KCNQ1: variants seen among roughly 807,000 people sequenced by gnomAD.
The protein encoded by KCNQ1 is potassium voltage-gated channel subfamily KQT member 1.
KCNQ1 carries 49 observed loss-of-function variants against 72.4 expected under a neutral mutation model. The observed-to-expected ratio is 0.68, with a 90% CI of 0.54 to 0.86. The LOEUF (loss-of-function observed/expected upper bound fraction) is 0.86, where lower values mean the gene tolerates loss of function less well. Among genes scored for constraint, KCNQ1 ranks in the 40% least tolerant of loss-of-function variants. The pLI is 0.00. For missense variants in KCNQ1, 790 were observed against 945.1 expected (o/e 0.84, Z 2.15); for synonymous variants, 450 against 412.6 (o/e 1.09, Z -1.10).
intron 10 of KCNQ1, chr11:2,609,215 T>C (rs1317873598): frequency 2.5e-5 from 10 of 398,184 alleles, no homozygotes; most frequent in Non-Finnish European, 3.1e-5. Flanking sequence ...AGTTCTGTTA[T>C]GTTGTATCTT....
intron 10 of KCNQ1, chr11:2,615,436 A>G (rs753045419): frequency 2.3e-5 from 9 of 397,840 alleles, no homozygotes; most frequent in Non-Finnish European, 4.0e-5. Context: ...CTTTCAGTAC[A>G]TTGTTCAATA....
intron 15 of KCNQ1, among the ~76,000 whole-genome samples, chr11:2,839,483 G>A (rs1848156748): frequency 6.6e-6 from 1 of 152,260 alleles, no homozygotes; most frequent in Admixed American, 6.5e-5. Flanking sequence ...TGCGTGTCCA[G>A]GAGCACGGGG....
chr11:2,573,573 C>T (rs918094813), intron 6 of KCNQ1, among the ~76,000 whole-genome samples: 1 of 152,190 alleles, frequency 6.6e-6, no homozygotes, highest in Non-Finnish European at 1.5e-5. Flanking sequence ...TGGGCAGTGG[C>T]GACATAGGTG....
chr11:2,456,207 A>G (rs553492072), intron 1 of KCNQ1, among the ~76,000 whole-genome samples: 1 of 152,086 alleles, frequency 6.6e-6, no homozygotes, highest in East Asian at 1.9e-4. Context: ...GTGTGGTGGT[A>G]CGCACCTGTG....
Position 2,612,776 on chromosome 11 carries a change from G to A in KCNQ1, c.1393+23922G>A, listed in dbSNP as rs1024016075. ...TATTGCTCATTATTCTTGTTCAAGG[G>A]TCACAATTTTCTGTTTCTTTGCATA... is the stretch of plus-strand genomic sequence containing the variant. On this transcript the variant is annotated intron_variant, in intron 10 of 15. Coordinates refer to ENST00000155840, the MANE Select transcript of KCNQ1 (RefSeq NM_000218.3). This position sits in a 1 kb window ranked among gnomAD's most constrained non-coding sequence, Gnocchi z 5.5. 2.5e-6 allele frequency: 1 copy of A among 398,360 alleles called. No homozygotes were observed. Among genetic ancestry groups the A allele is most frequent in the Non-Finnish European group, 4.4e-6 (1 of 226,022 alleles). The allele number at this position is 398,360 out of a possible 1,614,324, so 24.7% of individuals were successfully genotyped here. A position where few individuals can be genotyped will look rare whatever the true frequency, so the allele number is the denominator to read the frequency against.
chr11:2,841,987 G>A (rs950724207), intron 15 of KCNQ1, among the ~76,000 whole-genome samples: 2 of 152,210 alleles, frequency 1.3e-5, no homozygotes, highest in Non-Finnish European at 2.9e-5. Context: ...GGCCTCTGCC[G>A]CATGGTTGCG....
intron 2 of KCNQ1, among the ~76,000 whole-genome samples, chr11:2,534,171 G>A (rs1036382420): frequency 1.3e-5 from 2 of 152,194 alleles, no homozygotes; most frequent in African/African-American, 4.8e-5. Context: ...GAGTCTCTGG[G>A]CCTCCGTGAC....
chr11:2,791,187 G>A (rs949248998), intron 15 of KCNQ1, among the ~76,000 whole-genome samples: 4 of 152,234 alleles, frequency 2.6e-5, no homozygotes, highest in African/African-American at 9.6e-5. Context: ...GACAGCAGGC[G>A]GCAGGGGCGT....
intron 15 of KCNQ1, among the ~76,000 whole-genome samples, chr11:2,837,776 G>A (rs1335763068): frequency 6.6e-6 from 1 of 152,260 alleles, no homozygotes; most frequent in Non-Finnish European, 1.5e-5. Context: ...GCCCATGTGA[G>A]GGTCCTGAGG....
At chr11:2,792,092 C>T (rs143840904) in intron 15 of KCNQ1, among the ~76,000 whole-genome samples, 2,348 of 152,284 alleles carry the variant, frequency 0.015, 23 homozygotes, top group Middle Eastern at 0.027. Flanking sequence ...CGCCCTGGTC[C>T]GGCGCTTCCA....
rs179396 is a variant in KCNQ1 at position 2,494,492 on chromosome 11, A to G, written c.387-33436A>G. 0.18 allele frequency among the ~76,000 whole-genome samples: 26,769 copies of G among 152,168 alleles called. 2,533 individuals carry two copies. Among genetic ancestry groups the G allele is most frequent in the African/African-American group, 0.25 (10,340 of 41,482 alleles). On this transcript the variant is annotated intron_variant, in intron 1 of 15. Transcript: ENST00000155840. This position sits in a 1 kb window ranked among gnomAD's most constrained non-coding sequence, Gnocchi z 4.6. ...GATATTGCCTGTGGGTTTGTCATAA[A>G]TAGCTCTTGTTATTTTGAGATATGT...
At chr11:2,533,987 C>G (rs1190894057) in intron 2 of KCNQ1, among the ~76,000 whole-genome samples, 1 of 152,234 alleles carries the variant, frequency 6.6e-6, no homozygotes, top group Non-Finnish European at 1.5e-5. Context: ...GCGGCTTCCT[C>G]CCCTCTGCTG....
intron 10 of KCNQ1, chr11:2,641,926 A>G (rs748665401): frequency 2.5e-6 from 1 of 398,478 alleles, no homozygotes; most frequent in Non-Finnish European, 4.4e-6. Flanking sequence ...ATCTTTGTCA[A>G]AAATCAGTTG....
Position 2,698,891 on chromosome 11 carries a change from A to G in KCNQ1, c.1514+36810A>G, listed in dbSNP as rs940071161. On this transcript the variant is annotated intron_variant, in intron 11 of 15. Transcript: ENST00000155840. The surrounding 1 kb of genome is among the most constrained non-coding windows in gnomAD (Gnocchi z 5.1). ...TGGGACCCCAACTACTCAGATCCCA[A>G]CTCAGGCAAACTCCCAGCCAGGATG... The G allele has an allele frequency of 5.0e-6, 2 of 398,616 alleles. No homozygotes were observed. Among genetic ancestry groups the G allele is most frequent in the East Asian group, 3.6e-5 (1 of 28,090 alleles). 24.7% of individuals were successfully genotyped at this position (398,616 alleles called of 1,614,324 possible).
chr11:2,560,909 C>T (rs575818479), intron 2 of KCNQ1, among the ~76,000 whole-genome samples: 1 of 152,168 alleles, frequency 6.6e-6, no homozygotes, highest in South Asian at 2.1e-4. Flanking sequence ...TGAGGCTGCG[C>T]GGTGCCCTGC....
intron 11 of KCNQ1, among the ~76,000 whole-genome samples, chr11:2,717,873 C>T (rs1851120889): frequency 6.6e-6 from 1 of 152,182 alleles, no homozygotes; most frequent in African/African-American, 2.4e-5. Context: ...GCCCACTCGC[C>T]CCAGGGCCTC....
Position 2,750,027 on chromosome 11 carries a change from A to G in KCNQ1, c.1515-18817A>G, listed in dbSNP as rs1846203074. The stretch of plus-strand genomic sequence containing the variant: ...CCTGAGAATTGTGTGTAAATGAGTG[A>G]AAATGGGGTGAGAGGGAGGGAGTGG... On this transcript the variant is annotated intron_variant, in intron 11 of 15. Transcript: ENST00000155840. The surrounding 1 kb of genome is among the most constrained non-coding windows in gnomAD (Gnocchi z 6.3). 1.3e-5 allele frequency among the ~76,000 whole-genome samples: 2 copies of G among 151,904 alleles called. No homozygotes were observed. Among genetic ancestry groups the G allele is most frequent in the African/African-American group, 4.8e-5 (2 of 41,344 alleles).
chr11:2,523,234 C>T (rs948366004), intron 1 of KCNQ1, among the ~76,000 whole-genome samples: 3 of 151,208 alleles, frequency 2.0e-5, no homozygotes, highest in African/African-American at 7.3e-5. Context: ...TGCTCTGTCA[C>T]CCAGGCTGGA....
intron 11 of KCNQ1, among the ~76,000 whole-genome samples, chr11:2,760,698 G>A (rs571723607): frequency 6.6e-6 from 1 of 152,198 alleles, no homozygotes; most frequent in Non-Finnish European, 1.5e-5. Flanking sequence ...GGCCCAGTGA[G>A]CCCAAGGCCT....
Sources: gnomAD v4.1 joint callset for allele counts (sites outside exome capture counted in the v4.1 genomes callset) on GRCh38, gnomAD v4.1.1 for gene constraint, Gnocchi (gnomAD v3.1) non-coding constraint, MANE v1.5 for transcripts, NCBI Gene and HGNC (gene_info 2026-07-23, HGNC 2026-07-21) for gene names.